RAB8A: variants seen among roughly 807,000 people sequenced by gnomAD.
The protein encoded by RAB8A is ras-related protein Rab-8A.
Under a neutral mutation model 29.2 loss-of-function variants are expected in RAB8A, and 5 were observed. That is an observed-to-expected ratio of 0.17 (90% CI 0.09 to 0.36). The LOEUF is 0.36. RAB8A is among the 10% of genes least tolerant of loss of function. The pLI, the probability that RAB8A is intolerant of heterozygous loss-of-function variation, is 1.00. For missense variants in RAB8A, 171 were observed against 272.2 expected, an observed-to-expected ratio of 0.63 and a Z score of 2.62; for synonymous variants, 108 against 99.9, an observed-to-expected ratio of 1.08 and a Z score of -0.49.
At chr19:16,131,887 GTTGGTTGGT>G (rs1183351291) in intron 7 of RAB8A, among the ~76,000 whole-genome samples, 2 of 148,308 alleles carry the variant, frequency 1.3e-5, no homozygotes, top group Non-Finnish European at 3.1e-5. Flanking sequence ...TGGTTGGTTG[GTTGGTTGGT>G]TGGATGGTTG....
In RAB8A at chr19:16,132,469, A is replaced by C; in HGVS notation, c.*165A>C. 1.6e-6 allele frequency: 1 copy of C among 630,644 alleles called. No individual in the cohort carries two copies. The highest frequency in any genetic ancestry group is 2.7e-6 in the Non-Finnish European group (1 of 363,762). The allele number at this position is 630,644 out of a possible 1,614,324, so 39.1% of individuals were successfully genotyped here. The stretch of plus-strand genomic sequence containing the variant: ...AATTGAGAAATCGTTTATTTTAGTA[A>C]CTGTCTGATCTTTTTCAACTTTGGA... On this transcript the variant is annotated 3_prime_UTR_variant, in exon 8 of 8. Coordinates refer to ENST00000300935, the MANE Select transcript of RAB8A (RefSeq NM_005370.5). This position sits in a 1 kb window ranked among gnomAD's most constrained non-coding sequence, Gnocchi z 5.6.
At chr19:16,118,010 T>G (rs2090854432) in intron 1 of RAB8A, among the ~76,000 whole-genome samples, 1 of 152,084 alleles carries the variant, frequency 6.6e-6, no homozygotes, top group Non-Finnish European at 1.5e-5. Context: ...CCGCGCCCCC[T>G]GGGTTTGCTC....
At position 16,120,809 on chromosome 19, in the gene RAB8A, T is replaced by C. The variant is rs184304235; in HGVS notation, c.186-941T>C. Among the ~76,000 whole-genome samples, 175 of 151,886 alleles carry C rather than the reference T, an allele frequency of 1.2e-3. No homozygotes were observed. The Middle Eastern group carries it at 0.014, about 12-fold the overall frequency. The stretch of plus-strand genomic sequence containing the variant: ...TATTTTTAGTAGAGATGAGGTTTCA[T>C]TGTGTTGGTCAGGCCGGTCTCGAAC... On this transcript the variant is annotated intron_variant, in intron 2 of 7. Coordinates refer to ENST00000300935, the MANE Select transcript of RAB8A (RefSeq NM_005370.5).
In RAB8A at chr19:16,122,038, G is replaced by A. The variant is rs2090877728; in HGVS notation, c.246+228G>A. On this transcript the variant is annotated intron_variant, in intron 3 of 7. Transcript: ENST00000300935. This position sits in a 1 kb window ranked among gnomAD's most constrained non-coding sequence, Gnocchi z 4.7. ...GACAATGCAAGGTTTAAATAAAGTG[G>A]AAACATAATTCTTTGGGAATGAAGA... 2.2e-6 allele frequency: 1 copy of A among 460,308 alleles called. No individual in the cohort carries two copies. The highest frequency in any genetic ancestry group is 3.9e-6 in the Non-Finnish European group (1 of 253,178). 28.5% of individuals were successfully genotyped at this position (460,308 alleles called of 1,614,324 possible).
In RAB8A at chr19:16,132,409, C is replaced by T. The variant is rs1181480906; in HGVS notation, c.*105C>T. Reference sequence around the variant, plus strand: ...CCTCCCACCTCCAACGCCCCGCCCACGCCGCGGCCACCGGGCCCACGGCCA... The same window carrying T: ...CCTCCCACCTCCAACGCCCCGCCCATGCCGCGGCCACCGGGCCCACGGCCA... On this transcript the variant is annotated 3_prime_UTR_variant, in exon 8 of 8. Coordinates refer to ENST00000300935, the MANE Select transcript of RAB8A (RefSeq NM_005370.5). The surrounding 1 kb of genome is among the most constrained non-coding windows in gnomAD (Gnocchi z 5.6). The T allele has an allele frequency of 1.8e-5, 20 of 1,106,228 alleles. No homozygotes were observed. Among genetic ancestry groups the T allele is most frequent in the Middle Eastern group, 5.6e-4 (2 of 3,542 alleles). 68.5% of individuals were successfully genotyped at this position (1,106,228 alleles called of 1,614,324 possible). A position where few individuals can be genotyped will look rare whatever the true frequency, so the allele number is the denominator to read the frequency against.
intron 7 of RAB8A, among the ~76,000 whole-genome samples, chr19:16,130,980 C>T (rs575642390): frequency 1.3e-5 from 2 of 152,244 alleles, no homozygotes; most frequent in East Asian, 3.9e-4. Context: ...CATGTCACCA[C>T]GCCCAGCTAA....
rs757662558 is a variant in RAB8A, at chr19:16,132,174, T to G, written c.532-38T>G. The stretch of plus-strand genomic sequence containing the variant: ...GTTGATTGTGAGACGTAGTGCTGAT[T>G]CTCAGTGATAACCTCAGAAAACCTC... On this transcript the variant is annotated intron_variant, in intron 7 of 7. Transcript: ENST00000300935. The surrounding 1 kb of genome is among the most constrained non-coding windows in gnomAD (Gnocchi z 5.6). 6.7e-7 allele frequency: 1 copy of G among 1,490,408 alleles called. No individual in the cohort carries two copies. The highest frequency in any genetic ancestry group is 9.4e-7 in the Non-Finnish European group (1 of 1,067,494). 92.3% of individuals were successfully genotyped at this position (1,490,408 alleles called of 1,614,324 possible). A position where few individuals can be genotyped will look rare whatever the true frequency, so the allele number is the denominator to read the frequency against.
chr19:16,114,898 CAT>C (rs1243841017), intron 1 of RAB8A, among the ~76,000 whole-genome samples: 1 of 151,180 alleles, frequency 6.6e-6, no homozygotes, highest in Non-Finnish European at 1.5e-5. Flanking sequence ...GGTCAGACCT[CAT>C]AATTCTTAGG....
rs1444789361 is a variant in RAB8A at position 16,111,889 on chromosome 19, G to C, written c.-13G>C. 6.2e-7 allele frequency: 1 copy of C among 1,613,854 alleles called. No homozygotes were observed. Among genetic ancestry groups the C allele is most frequent in the East Asian group, 2.2e-5 (1 of 44,886 alleles). On this transcript the variant is annotated 5_prime_UTR_variant, in exon 1 of 8. Coordinates refer to ENST00000300935, the MANE Select transcript of RAB8A (RefSeq NM_005370.5). Reference sequence around the variant, plus strand: ...GGCGCTGGCCGCACTTCCCGTCGGGGAGAGAGTGTAATATGGCGAAGACCT... The same window carrying C: ...GGCGCTGGCCGCACTTCCCGTCGGGCAGAGAGTGTAATATGGCGAAGACCT...
Position 16,127,399 on chromosome 19 carries a change from A to G in RAB8A, c.325-38A>G. ...TTGGCAGAGGCACCTGGCCTGTGTC[A>G]TCCGGTCTGATCCCCCGTCTGTCCC... On this transcript the variant is annotated intron_variant, in intron 4 of 7. Transcript: ENST00000300935. This position sits in a 1 kb window ranked among gnomAD's most constrained non-coding sequence, Gnocchi z 4.8. The G allele has an allele frequency of 7.3e-7, 1 of 1,370,844 alleles. No homozygotes were observed. The highest frequency in any genetic ancestry group is 9.7e-7 in the Non-Finnish European group (1 of 1,034,132). The allele number at this position is 1,370,844 out of a possible 1,614,324, so 84.9% of individuals were successfully genotyped here.
intron 1 of RAB8A, among the ~76,000 whole-genome samples, chr19:16,116,511 A>G (rs2090846254): frequency 6.6e-6 from 1 of 152,180 alleles, no homozygotes; most frequent in African/African-American, 2.4e-5. Flanking sequence ...ATTTGGGAAC[A>G]TTTTTATTAT....
At chr19:16,128,338 T>C (rs1479278607) in intron 6 of RAB8A, among the ~76,000 whole-genome samples, 2 of 152,166 alleles carry the variant, frequency 1.3e-5, no homozygotes, top group Non-Finnish European at 2.9e-5. Context: ...TCACGGGCTC[T>C]TGGGCAGCCC....
chr19:16,121,570 AG>A (rs112005697), intron 2 of RAB8A, among the ~76,000 whole-genome samples, 179 bp from the exon 3 acceptor site: 24,257 of 152,130 alleles, frequency 0.16, 2,076 homozygotes, highest in Non-Finnish European at 0.19. Flanking sequence ...TGACCCCTCC[AG>A]GCCACAGTGT....
chr19:16,114,631 G>A (rs1180047871), intron 1 of RAB8A, among the ~76,000 whole-genome samples: 10 of 145,300 alleles, frequency 6.9e-5, no homozygotes, highest in Middle Eastern at 4.0e-3. Context: ...CCTCGTGACC[G>A]CCCACCTTGG....
At chr19:16,116,651 A>G (rs536495987) in intron 1 of RAB8A, among the ~76,000 whole-genome samples, 2 of 152,298 alleles carry the variant, frequency 1.3e-5, no homozygotes, top group East Asian at 3.9e-4. Flanking sequence ...CCTGGCCAAC[A>G]TGGTGAAACC....
Position 16,121,307 on chromosome 19 carries a change from T to C in RAB8A, c.186-443T>C, listed in dbSNP as rs143330949. Among the ~76,000 whole-genome samples the C allele has an allele frequency of 6.5e-3, 994 of 152,242 alleles. 11 individuals carry two copies. Among genetic ancestry groups the C allele is most frequent in the African/African-American group, 0.023 (950 of 41,546 alleles). On this transcript the variant is annotated intron_variant, in intron 2 of 7. Transcript: ENST00000300935. Reference sequence around the variant, plus strand: ...GGGTATGTCTTACCCAGGCATCACCTCCCGGGCAATAGGCCCTGTGTTCCT... The same window carrying C: ...GGGTATGTCTTACCCAGGCATCACCCCCCGGGCAATAGGCCCTGTGTTCCT...
rs1243253000 is a variant in RAB8A at position 16,133,075 on chromosome 19, C to T, written c.*771C>T. On this transcript the variant is annotated 3_prime_UTR_variant, in exon 8 of 8. Coordinates refer to ENST00000300935, the MANE Select transcript of RAB8A (RefSeq NM_005370.5). ...AAAACAACCACAGCCGTCACATGGT[C>T]CTCCTGAAGTTGGGGCACCCTCCTC... 2 of 152,472 alleles carry T rather than the reference C, an allele frequency of 1.3e-5. No individual in the cohort carries two copies. Among genetic ancestry groups the T allele is most frequent in the Non-Finnish European group, 2.9e-5 (2 of 68,064 alleles). 9.4% of individuals were successfully genotyped at this position (152,472 alleles called of 1,614,324 possible). A position where few individuals can be genotyped will look rare whatever the true frequency, so the allele number is the denominator to read the frequency against.
At position 16,127,516 on chromosome 19, in the gene RAB8A, G is replaced by T. The variant is rs771073154; in HGVS notation, c.404G>T (p.Arg135Leu). ...VNDKRQVSKE[R>L]GEKLALDYGI... The stretch of plus-strand genomic sequence containing the variant: ...GACAAGAGACAAGTTTCCAAGGAAC[G>T]GGGAGAAAAGGTGGGCATGGTGGCA... The change falls in exon 5 of 8, where the codon CGG becomes CTG. Residue 135 changes from arginine (R) to leucine (L), a missense_variant. Transcript: ENST00000300935. The surrounding 1 kb of genome is among the most constrained non-coding windows in gnomAD (Gnocchi z 4.8). 1.3e-6 allele frequency: 2 copies of T among 1,535,316 alleles called. No individual in the cohort carries two copies. Among genetic ancestry groups the T allele is most frequent in the Admixed American group, 2.2e-5 (1 of 45,704 alleles).
chr19:16,125,232 C>T lies in RAB8A; in HGVS notation c.247-238C>T. 1.7e-6 allele frequency: 1 copy of T among 579,618 alleles called. No individual in the cohort carries two copies. Among genetic ancestry groups the T allele is most frequent in the South Asian group, 2.0e-5 (1 of 49,872 alleles). The allele number at this position is 579,618 out of a possible 1,614,324, so 35.9% of individuals were successfully genotyped here. ...CTGGCCTGTGAGGCAGAAGGGTCAC[C>T]TCAGCGGCCCGGGGGGCAGGACAAG... is the stretch of plus-strand genomic sequence containing the variant. On this transcript the variant is annotated intron_variant, in intron 3 of 7. Transcript: ENST00000300935. The surrounding 1 kb of genome is among the most constrained non-coding windows in gnomAD (Gnocchi z 5.0).
Sources: gnomAD v4.1 joint callset for allele counts (sites outside exome capture counted in the v4.1 genomes callset) on GRCh38, gnomAD v4.1.1 for gene constraint, Gnocchi (gnomAD v3.1) non-coding constraint, MANE v1.5 for transcripts, NCBI Gene and HGNC (gene_info 2026-07-23, HGNC 2026-07-21) for gene names.